KAZN: variants seen among roughly 807,000 people sequenced by gnomAD.
The protein encoded by KAZN is kazrin, periplakin interacting protein, also known as kazrin.
In KAZN, 40 loss-of-function variants were observed where a neutral mutation model predicts 87.4. The ratio of observed to expected loss-of-function variants is 0.46; its 90% CI spans 0.36 to 0.60. KAZN has a LOEUF of 0.60. KAZN is among the 20% of genes least tolerant of loss of function. KAZN has a pLI of 0.00. For synonymous variants in KAZN, 466 were observed against 458.3 expected, an observed-to-expected ratio of 1.02 and a Z score of -0.22; for missense variants, 898 against 1,073.9, an observed-to-expected ratio of 0.84 and a Z score of 2.29.
chr1:15,054,137 A>T (rs1395026556), intron 4 of KAZN, among the ~76,000 whole-genome samples: 1 of 152,178 alleles, frequency 6.6e-6, no homozygotes, highest in Non-Finnish European at 1.5e-5. Flanking sequence ...TCTGCCAGGA[A>T]GAACTCCAGG....
At chr1:13,998,240 G>A (rs2101132305) in intron 1 of KAZN, among the ~76,000 whole-genome samples, 1 of 152,254 alleles carries the variant, frequency 6.6e-6, no homozygotes. Context: ...AACATGGAAA[G>A]GAAAAACTGG....
chr1:14,440,527 C>A (rs1260565813), intron 2 of KAZN, among the ~76,000 whole-genome samples: 3 of 152,184 alleles, frequency 2.0e-5, no homozygotes, highest in Non-Finnish European at 4.4e-5. Flanking sequence ...AAGCAAGAAC[C>A]TCTAATGCCT....
At chr1:13,921,684 G>A (rs938973791) in intron 1 of KAZN, among the ~76,000 whole-genome samples, 2 of 151,900 alleles carry the variant, frequency 1.3e-5, no homozygotes, top group African/African-American at 4.8e-5. Context: ...GGAGTGCAGT[G>A]GTGTGACCTT....
At chr1:15,073,547 C>T (rs939395394) in intron 8 of KAZN, among the ~76,000 whole-genome samples, 2 of 152,168 alleles carry the variant, frequency 1.3e-5, no homozygotes, top group African/African-American at 4.8e-5. Context: ...CAACCTGCTG[C>T]TTGGGGCCTT....
chr1:14,646,883 C>T (rs766446077), intron 1 of KAZN, among the ~76,000 whole-genome samples: 13 of 152,196 alleles, frequency 8.5e-5, no homozygotes, highest in Non-Finnish European at 1.8e-4. Context: ...AGAATTAGCA[C>T]GGTGTAAGCT....
At chr1:14,808,930 C>T (rs1246455666) in intron 1 of KAZN, among the ~76,000 whole-genome samples, 2 of 152,172 alleles carry the variant, frequency 1.3e-5, no homozygotes, top group Non-Finnish European at 2.9e-5. Flanking sequence ...GCTGCCACAG[C>T]TCCAAGCATC....
intron 2 of KAZN, among the ~76,000 whole-genome samples, chr1:14,431,868 C>T (rs956519901): frequency 2.0e-5 from 3 of 152,192 alleles, no homozygotes; most frequent in African/African-American, 7.2e-5. Flanking sequence ...CGGACTGAGA[C>T]ACTACTGCCT....
chr1:14,308,964 T>C (rs879825135), intron 2 of KAZN, among the ~76,000 whole-genome samples: 1 of 152,250 alleles, frequency 6.6e-6, no homozygotes, highest in Non-Finnish European at 1.5e-5. Context: ...GGCACGAATG[T>C]GTTTAACAAG....
chr1:14,338,160 T>C (rs907925390), intron 2 of KAZN, among the ~76,000 whole-genome samples: 1 of 151,992 alleles, frequency 6.6e-6, no homozygotes, highest in Non-Finnish European at 1.5e-5. Flanking sequence ...AGGAATGACA[T>C]TGACCCCCTT....
chr1:13,910,540 C>G (rs1013995879), intron 1 of KAZN, among the ~76,000 whole-genome samples: 12 of 151,830 alleles, frequency 7.9e-5, no homozygotes, highest in Non-Finnish European at 1.6e-4. Flanking sequence ...CCTCCCCCAC[C>G]TTGCTCCTGC....
intron 2 of KAZN, among the ~76,000 whole-genome samples, chr1:14,586,785 G>C (rs545247620): frequency 6.6e-6 from 1 of 151,896 alleles, no homozygotes; most frequent in Non-Finnish European, 1.5e-5. Context: ...AGTGATCCTC[G>C]TACCTTGGCC....
intron 2 of KAZN, among the ~76,000 whole-genome samples, chr1:14,208,643 G>A (rs1351787662): frequency 1.1e-4 from 16 of 152,180 alleles, no homozygotes; most frequent in Admixed American, 8.5e-4. Context: ...TTAATGTCCT[G>A]CACTTTGCCA....
At chr1:14,182,339 C>T (rs1031222485) in intron 2 of KAZN, among the ~76,000 whole-genome samples, 1 of 152,104 alleles carries the variant, frequency 6.6e-6, no homozygotes, top group Non-Finnish European at 1.5e-5. Context: ...CAGGTAGAAA[C>T]GTCATGTGGA....
chr1:15,090,190 A>G (rs1640467016), intron 8 of KAZN, among the ~76,000 whole-genome samples: 1 of 152,144 alleles, frequency 6.6e-6, no homozygotes, highest in African/African-American at 2.4e-5. Flanking sequence ...GGTCTGTTCA[A>G]CTCCAAAGCC....
chr1:14,198,886 A>C (rs949412535), intron 2 of KAZN, among the ~76,000 whole-genome samples: 8 of 152,280 alleles, frequency 5.3e-5, no homozygotes, highest in African/African-American at 1.7e-4. Flanking sequence ...GAGGTCACCC[A>C]GCCAGTAGGT....
intron 4 of KAZN, among the ~76,000 whole-genome samples, chr1:15,047,309 C>A (rs1453332200): frequency 6.6e-6 from 1 of 152,182 alleles, no homozygotes; most frequent in Non-Finnish European, 1.5e-5. Context: ...CCCAGCTCCC[C>A]CACTGCACAG....
At chr1:14,233,622 A>G (rs562671661) in intron 2 of KAZN, among the ~76,000 whole-genome samples, 1 of 152,350 alleles carries the variant, frequency 6.6e-6, no homozygotes, top group South Asian at 2.1e-4. Context: ...CAATCTCCAT[A>G]GAGCACCCAG....
intron 1 of KAZN, among the ~76,000 whole-genome samples, chr1:14,732,314 G>T (rs1358088929): frequency 6.6e-6 from 1 of 152,126 alleles, no homozygotes; most frequent in East Asian, 1.9e-4. Flanking sequence ...AGGCACACAA[G>T]TTCCATTTGT....
chr1:14,695,744 T>C (rs1358011257), intron 1 of KAZN, among the ~76,000 whole-genome samples: 1 of 151,910 alleles, frequency 6.6e-6, no homozygotes, highest in African/African-American at 2.4e-5. Flanking sequence ...GACCTCATGA[T>C]CCACCCATCT....
Sources: gnomAD v4.1 joint callset for allele counts (sites outside exome capture counted in the v4.1 genomes callset) on GRCh38, gnomAD v4.1.1 for gene constraint, MANE v1.5 for transcripts, NCBI Gene and HGNC (gene_info 2026-07-23, HGNC 2026-07-21) for gene names.